The following HSD17B12 variants were observed in gnomAD, a reference collection of about 807,000 sequenced individuals.
HSD17B12 encodes the protein very-long-chain 3-oxoacyl-CoA reductase.
Under a neutral mutation model 39.3 loss-of-function variants are expected in HSD17B12, and 32 were observed. The observed-to-expected ratio is 0.81, with a 90% CI of 0.61 to 1.09. The LOEUF is 1.09. Ranked by LOEUF, HSD17B12 falls within the 50% of genes least tolerant of loss-of-function variation. The probability of loss-of-function intolerance (pLI) is 0.00; values close to 1 mark genes in which losing one functional copy is unlikely to be tolerated. For missense variants in HSD17B12, 342 were observed against 382.9 expected (o/e 0.89, Z 0.89); for synonymous variants, 150 against 146.7 (o/e 1.02, Z -0.16).
intron 1 of HSD17B12, among the ~76,000 whole-genome samples, chr11:43,682,595 AATTAAG>A (rs1949760205): frequency 6.6e-6 from 1 of 151,354 alleles, no homozygotes; most frequent in Non-Finnish European, 1.5e-5. Flanking sequence ...ACTTGGTTAT[AATTAAG>A]ATTATGATTT....
chr11:43,854,611 C>T lies in HSD17B12; in HGVS notation c.685-104C>T, dbSNP rs1475757003. 7 of 1,237,650 alleles carry T rather than the reference C, an allele frequency of 5.7e-6. No individual in the cohort carries two copies. The East Asian group carries it at 1.7e-4, about 29-fold the overall frequency. The allele number at this position is 1,237,650 out of a possible 1,614,324, so 76.7% of individuals were successfully genotyped here. On this transcript the variant is annotated intron_variant, in intron 9 of 10. Coordinates refer to ENST00000278353, the MANE Select transcript of HSD17B12 (RefSeq NM_016142.3). ...CTTTTCTTCTCTCTCTGTAAAGATA[C>T]AGATGTTTCTACCACTAAGAGCAGT...
chr11:43,760,595 C>G (rs923897140), intron 3 of HSD17B12, among the ~76,000 whole-genome samples: 1 of 152,022 alleles, frequency 6.6e-6, no homozygotes, highest in Non-Finnish European at 1.5e-5. Flanking sequence ...TAAGAAATGT[C>G]CATTTCACTT....
Position 43,828,729 on chromosome 11 carries a change from A to G in HSD17B12, c.502-2247A>G, listed in dbSNP as rs148722250. 7.9e-4 allele frequency among the ~76,000 whole-genome samples: 121 copies of G among 152,322 alleles called. No homozygotes were observed. In the East Asian group the frequency reaches 0.012, roughly 15 times the overall value. On this transcript the variant is annotated intron_variant, in intron 6 of 10. Transcript: ENST00000278353. ...AATGGAGTTCAGATAGATAGTGACAATTCACAGAAATGCCTGGTATATTCA... is the reference window on the plus strand; with the variant it reads ...AATGGAGTTCAGATAGATAGTGACAGTTCACAGAAATGCCTGGTATATTCA...
At chr11:43,605,780 C>T in the HSD17B12 span, among the ~76,000 whole-genome samples, 26 of 152,098 alleles carry the variant, frequency 1.7e-4, no homozygotes, top group Admixed American at 6.6e-5. Flanking sequence ...AATTTATTAT[C>T]ATTATAAGTA....
At chr11:43,713,772 A>G (rs1443509629) in intron 1 of HSD17B12, among the ~76,000 whole-genome samples, 1 of 152,150 alleles carries the variant, frequency 6.6e-6, no homozygotes, top group Non-Finnish European at 1.5e-5. Flanking sequence ...ATTTCTCCAC[A>G]TCCTCTCCAG....
the HSD17B12 span, among the ~76,000 whole-genome samples, chr11:43,598,257 T>C: frequency 6.6e-6 from 1 of 152,210 alleles, no homozygotes. Context: ...CTACCCCTTC[T>C]TCCCAAGTGA....
chr11:43,799,903 C>A (rs1950950302), intron 4 of HSD17B12, among the ~76,000 whole-genome samples: 1 of 152,176 alleles, frequency 6.6e-6, no homozygotes, highest in Non-Finnish European at 1.5e-5. Flanking sequence ...TGGTCCATAT[C>A]ACACATCACC....
intron 3 of HSD17B12, among the ~76,000 whole-genome samples, chr11:43,783,371 T>G (rs1590296414): frequency 6.6e-6 from 1 of 152,048 alleles, no homozygotes; most frequent in African/African-American, 2.4e-5. Flanking sequence ...TTTTTACTCT[T>G]AAATATTATT....
At chr11:43,651,195 C>T in the HSD17B12 span, among the ~76,000 whole-genome samples, 4 of 152,014 alleles carry the variant, frequency 2.6e-5, no homozygotes, top group Non-Finnish European at 5.9e-5. Flanking sequence ...AAATGTTGCC[C>T]ATGAAAGAAG....
intron 6 of HSD17B12, among the ~76,000 whole-genome samples, chr11:43,825,469 T>C (rs1951225809): frequency 6.6e-6 from 1 of 152,170 alleles, no homozygotes; most frequent in Admixed American, 6.5e-5. Flanking sequence ...GAGAACAGTC[T>C]CCGTTCAGCA....
At position 43,681,364 on chromosome 11, in the gene HSD17B12, G is replaced by A. The variant is rs140630286; in HGVS notation, c.160+377G>A. On this transcript the variant is annotated intron_variant, in intron 1 of 10. Coordinates refer to ENST00000278353, the MANE Select transcript of HSD17B12 (RefSeq NM_016142.3). Reference sequence around the variant, plus strand: ...CCTCCTTGGTTCGCCCCTTGTAAGTGTTTTTAAAATAAAGTTTTTCGCTCG... The same window carrying A: ...CCTCCTTGGTTCGCCCCTTGTAAGTATTTTTAAAATAAAGTTTTTCGCTCG... 2.5e-4 allele frequency: 45 copies of A among 180,328 alleles called. No individual in the cohort carries two copies. In the East Asian group the frequency reaches 6.4e-3, roughly 26 times the overall value. The allele number at this position is 180,328 out of a possible 1,614,324, so 11.2% of individuals were successfully genotyped here. A position where few individuals can be genotyped will look rare whatever the true frequency, so the allele number is the denominator to read the frequency against.
chr11:43,660,308 TTTTC>T, the HSD17B12 span, among the ~76,000 whole-genome samples: 1 of 152,186 alleles, frequency 6.6e-6, no homozygotes, highest in Admixed American at 6.5e-5. Context: ...CTTCATATCT[TTTTC>T]TTTGATCAGC....
intron 4 of HSD17B12, among the ~76,000 whole-genome samples, chr11:43,809,136 G>A (rs1354929956): frequency 6.6e-6 from 1 of 152,108 alleles, no homozygotes; most frequent in Non-Finnish European, 1.5e-5. Flanking sequence ...TTTGGGCTTG[G>A]GCACAAAACA....
At chr11:43,687,940 A>T (rs1949817219) in intron 1 of HSD17B12, among the ~76,000 whole-genome samples, 1 of 152,228 alleles carries the variant, frequency 6.6e-6, no homozygotes, top group Non-Finnish European at 1.5e-5. Context: ...GGCTGGGCGC[A>T]GTGGCTCATG....
the HSD17B12 span, among the ~76,000 whole-genome samples, chr11:43,652,531 G>A: frequency 2.0e-5 from 3 of 152,126 alleles, no homozygotes; most frequent in Non-Finnish European, 4.4e-5. Flanking sequence ...CCACCCTTCA[G>A]ATGCCAGTTG....
At chr11:43,720,048 C>G (rs776093372) in intron 1 of HSD17B12, among the ~76,000 whole-genome samples, 3 of 152,170 alleles carry the variant, frequency 2.0e-5, no homozygotes, top group Non-Finnish European at 4.4e-5. Flanking sequence ...CATTAAGATT[C>G]TTCGAAGTCC....
At position 43,855,221 on chromosome 11, in the gene HSD17B12, C is replaced by T; in HGVS notation, c.912C>T (p.His304=). ...VMNMNKSTRA[H]YLKKTKKN ...ATATGAACAAGTCTACACGGGCTCACTATCTGAAGAAAACCAAGAAGAACT... is the reference window on the plus strand; with the variant it reads ...ATATGAACAAGTCTACACGGGCTCATTATCTGAAGAAAACCAAGAAGAACT... The change falls in exon 11 of 11, where the codon CAC becomes CAT. Residue 304 remains histidine, a synonymous_variant. Transcript: ENST00000278353. 1 of 1,608,454 alleles carries T rather than the reference C, an allele frequency of 6.2e-7. No individual in the cohort carries two copies. Among genetic ancestry groups the T allele is most frequent in the Non-Finnish European group, 8.5e-7 (1 of 1,177,690 alleles).
the HSD17B12 span, among the ~76,000 whole-genome samples, chr11:43,653,189 A>G: frequency 1.1e-4 from 16 of 152,248 alleles, no homozygotes; most frequent in East Asian, 2.3e-3. Flanking sequence ...AAAAGACTAT[A>G]ACAAGGGATA....
chr11:43,832,702 G>A (rs374754083), intron 7 of HSD17B12, among the ~76,000 whole-genome samples: 87 of 152,234 alleles, frequency 5.7e-4, no homozygotes, highest in African/African-American at 2.0e-3. Context: ...TTAGTCAAGC[G>A]TCTCAAGGAT....
Sources: gnomAD v4.1 joint callset for allele counts (sites outside exome capture counted in the v4.1 genomes callset) on GRCh38, gnomAD v4.1.1 for gene constraint, MANE v1.5 for transcripts, NCBI Gene and HGNC (gene_info 2026-07-23, HGNC 2026-07-21) for gene names.